The following RNF167 variants were observed in gnomAD, a reference collection of about 807,000 sequenced individuals.
RNF167 encodes ring finger protein 167.
RNF167 carries 19 observed loss-of-function variants against 34.8 expected under a neutral mutation model. The ratio of observed to expected loss-of-function variants is 0.55; its 90% confidence interval spans 0.38 to 0.80. RNF167 has a LOEUF of 0.80. RNF167 is among the 30% of genes least tolerant of loss of function. RNF167 has a pLI of 0.00. For synonymous variants in RNF167, 200 were observed against 170.4 expected (o/e 1.17, Z -1.35); for missense variants, 464 against 447.0 (o/e 1.04, Z -0.34).
Position 4,941,001 on chromosome 17 carries a change from T to C in RNF167, c.84+8T>C. The C allele has an allele frequency of 6.2e-7, 1 of 1,613,184 alleles. No individual in the cohort carries two copies. On this transcript the variant is annotated splice_region_variant and intron_variant, in intron 2 of 9. Coordinates refer to ENST00000262482, the MANE Select transcript of RNF167 (RefSeq NM_015528.3). ...CGGGGGCTCATTCGAGCGGTGAGTC[T>C]GAGGGACGGATGGGGAAAGGGCGCT...
Position 4,945,203 on chromosome 17 carries a change from A to G in RNF167, c.*187A>G. 1 of 519,420 alleles carries G rather than the reference A, an allele frequency of 1.9e-6. No homozygotes were observed. The highest frequency in any genetic ancestry group is 3.3e-6 in the Non-Finnish European group (1 of 301,226). The allele number at this position is 519,420 out of a possible 1,614,324, so 32.2% of individuals were successfully genotyped here. A position where few individuals can be genotyped will look rare whatever the true frequency, so the allele number is the denominator to read the frequency against. ...GGTCTTCACTTCTTGGGCTAATAAA[A>G]TTGTTTCTTTGTGGACTAAGGAAGG... On this transcript the variant is annotated 3_prime_UTR_variant, in exon 10 of 10. Transcript: ENST00000262482.
Position 4,940,376 on chromosome 17 carries a change from G to A in RNF167, c.-424+16G>A, listed in dbSNP as rs1190942926. 1 of 159,824 alleles carries A rather than the reference G, an allele frequency of 6.3e-6. No homozygotes were observed. The highest frequency in any genetic ancestry group is 1.4e-5 in the Non-Finnish European group (1 of 73,120). 9.9% of individuals were successfully genotyped at this position (159,824 alleles called of 1,614,324 possible). A position where few individuals can be genotyped will look rare whatever the true frequency, so the allele number is the denominator to read the frequency against. On this transcript the variant is annotated intron_variant, in intron 1 of 9. Transcript: ENST00000262482. ...GGGAGGAGAGGTTTGTAAACTAGGA[G>A]GCTCCGGGTTTCCGGGCACTTTTAT...
chr17:4,944,691 G>T (rs1567662179), intron 9 of RNF167, 24 bp from the exon 10 acceptor site: 2 of 1,614,134 alleles, frequency 1.2e-6, no homozygotes, highest in South Asian at 1.1e-5. Context: ...GCCACCAGGT[G>T]CTTCACCTTG....
At chr17:4,941,045 C>T in intron 2 of RNF167, 32 bp from the exon 3 acceptor site, 2 of 1,613,982 alleles carry the variant, frequency 1.2e-6, no homozygotes, top group Non-Finnish European at 1.7e-6. Flanking sequence ...GGGTTGCAGG[C>T]TGAAGGGGAA....
chr17:4,945,127 C>A lies in RNF167; in HGVS notation c.*111C>A. The A allele has an allele frequency of 9.8e-7, 1 of 1,019,708 alleles. No individual in the cohort carries two copies. The highest frequency in any genetic ancestry group is 1.4e-6 in the Non-Finnish European group (1 of 718,316). The allele number at this position is 1,019,708 out of a possible 1,614,324, so 63.2% of individuals were successfully genotyped here. A position where few individuals can be genotyped will look rare whatever the true frequency, so the allele number is the denominator to read the frequency against. On this transcript the variant is annotated 3_prime_UTR_variant, in exon 10 of 10. Transcript: ENST00000262482. ...ATCCCAAGCTTCTCCCTTACCCACA[C>A]CTATCCTTTTGAGGGGCTTTGGGGT...
intron 4 of RNF167, 51 bp downstream of exon 4, chr17:4,942,517 C>T (rs1258199668): frequency 6.2e-7 from 1 of 1,612,862 alleles, no homozygotes; most frequent in Non-Finnish European, 8.5e-7. Context: ...AAAAAAGGCA[C>T]CAGGAATGAA....
In RNF167 at chr17:4,940,627, T is replaced by A. The variant is rs996179266; in HGVS notation, c.-283T>A. 4 of 348,230 alleles carry A rather than the reference T, an allele frequency of 1.1e-5. No homozygotes were observed. Among genetic ancestry groups the A allele is most frequent in the African/African-American group, 8.4e-5 (4 of 47,542 alleles). The allele number at this position is 348,230 out of a possible 1,614,324, so 21.6% of individuals were successfully genotyped here. A position where few individuals can be genotyped will look rare whatever the true frequency, so the allele number is the denominator to read the frequency against. Reference sequence around the variant, plus strand: ...TTGAGCTCCGCCACCCTTCCCGAAGTTTTTCTGTCACCTGTGTTAGGCTCC... The same window carrying A: ...TTGAGCTCCGCCACCCTTCCCGAAGATTTTCTGTCACCTGTGTTAGGCTCC... On this transcript the variant is annotated 5_prime_UTR_variant, in exon 2 of 10. Transcript: ENST00000262482.
At position 4,943,251 on chromosome 17, in the gene RNF167, G is replaced by A. The variant is rs757732922; in HGVS notation, c.543G>A (p.Val181=). The A allele has an allele frequency of 5.0e-6, 8 of 1,614,134 alleles. No individual in the cohort carries two copies. The highest frequency in any genetic ancestry group is 3.3e-4 in the Middle Eastern group (2 of 6,062). ...GYYLIPFTGI[V]GLLVLAMGAV... The stretch of plus-strand genomic sequence containing the variant: ...ACCTCATCCCTTTCACAGGGATTGT[G>A]GGACTGCTGGTTTTGGCCATGGGAG... The change falls in exon 7 of 10, where the codon GTG becomes GTA. Residue 181 remains valine (V), a synonymous_variant. Coordinates refer to ENST00000262482, the MANE Select transcript of RNF167 (RefSeq NM_015528.3).
At chr17:4,942,526 A>G (rs1192499257) in intron 4 of RNF167, 51 bp from the exon 5 acceptor site, 2 of 1,613,404 alleles carry the variant, frequency 1.2e-6, no homozygotes, top group Non-Finnish European at 1.7e-6. Flanking sequence ...ACCAGGAATG[A>G]AGACAGGTAA....
chr17:4,945,160 G>C lies in RNF167; in HGVS notation c.*144G>C. On this transcript the variant is annotated 3_prime_UTR_variant, in exon 10 of 10. Transcript: ENST00000262482. ...TTTGAGGGGCTTTGGGGTGGAGCTG[G>C]GGCAAGCAGAGGGACTGGGTCTTCA... The C allele has an allele frequency of 2.9e-6, 2 of 683,472 alleles. No individual in the cohort carries two copies. Among genetic ancestry groups the C allele is most frequent in the Admixed American group, 3.0e-5 (1 of 33,506 alleles). The allele number at this position is 683,472 out of a possible 1,614,324, so 42.3% of individuals were successfully genotyped here.
At position 4,940,754 on chromosome 17, in the gene RNF167, GT is replaced by G. The variant is rs1219935658; in HGVS notation, c.-154del. 5 of 597,482 alleles carry G rather than the reference GT, an allele frequency of 8.4e-6. No homozygotes were observed. Among genetic ancestry groups the G allele is most frequent in the Non-Finnish European group, 1.4e-5 (5 of 350,822 alleles). The allele number at this position is 597,482 out of a possible 1,614,324, so 37.0% of individuals were successfully genotyped here. ...TGGATATCTCATTCTTTGAGTTGGT[GT>G]TCCTTCCCCGGCGCCCCCATGTAGC... On this transcript the variant is annotated 5_prime_UTR_variant, in exon 2 of 10. Coordinates refer to ENST00000262482, the MANE Select transcript of RNF167 (RefSeq NM_015528.3).
In RNF167 at chr17:4,944,227, C is replaced by T. The variant is rs141343468; in HGVS notation, c.671-331C>T. Among the ~76,000 whole-genome samples, 546 of 152,240 alleles carry T rather than the reference C, an allele frequency of 3.6e-3. 2 individuals carry two copies. Among genetic ancestry groups the T allele is most frequent in the Admixed American group, 6.0e-3 (91 of 15,280 alleles). The stretch of plus-strand genomic sequence containing the variant: ...GGATTCAGTTAGAGAAGGAAGAAAC[C>T]GGTACCAAGGGGCTGGGGCTTTAGG... On this transcript the variant is annotated intron_variant, in intron 8 of 9. Transcript: ENST00000262482.
At position 4,940,914 on chromosome 17, in the gene RNF167, A is replaced by C; in HGVS notation, c.5A>C (p.His2Pro). The C allele has an allele frequency of 6.2e-7, 1 of 1,602,294 alleles. No homozygotes were observed. Among genetic ancestry groups the C allele is most frequent in the Non-Finnish European group, 8.5e-7 (1 of 1,173,196 alleles). The change falls in exon 2 of 10, where the codon CAC becomes CCC. Residue 2 changes from histidine (H) to proline (P), a missense_variant. Physicochemically the swap from His to Pro is moderately conservative, Grantham distance 77. Coordinates refer to ENST00000262482, the MANE Select transcript of RNF167 (RefSeq NM_015528.3). The stretch of plus-strand genomic sequence containing the variant: ...AGCCTCTTTCCTCCCGCTGCCATGC[A>C]CCCTGCAGCCTTCCCGCTTCCTGTG... M[H>P]PAAFPLPVVV...
Position 4,942,843 on chromosome 17 carries a change from C to T in RNF167, c.380-8C>T, listed in dbSNP as rs201160609. ...TGAGTCCCCAGAGTAACACCTTGAT[C>T]CCTGCAGAGGAAATCCAGCAGCAGA... On this transcript the variant is annotated splice_polypyrimidine_tract_variant and splice_region_variant and intron_variant, in intron 5 of 9. Coordinates refer to ENST00000262482, the MANE Select transcript of RNF167 (RefSeq NM_015528.3). 9 of 1,613,526 alleles carry T rather than the reference C, an allele frequency of 5.6e-6. No individual in the cohort carries two copies. The African/African-American group carries it at 1.2e-4, about 22-fold the overall frequency.
At position 4,941,060 on chromosome 17, in the gene RNF167, G is replaced by T. The variant is rs1173585077; in HGVS notation, c.85-17G>T. The T allele has an allele frequency of 6.2e-7, 1 of 1,614,096 alleles. No homozygotes were observed. Among genetic ancestry groups the T allele is most frequent in the Non-Finnish European group, 8.5e-7 (1 of 1,179,960 alleles). On this transcript the variant is annotated splice_polypyrimidine_tract_variant and intron_variant, in intron 2 of 9. Transcript: ENST00000262482. ...GGGTTGCAGGCTGAAGGGGAACATCGCCTTTTTTGTCCGCAGACCTCGGAC... is the reference window on the plus strand; with the variant it reads ...GGGTTGCAGGCTGAAGGGGAACATCTCCTTTTTTGTCCGCAGACCTCGGAC...
chr17:4,944,287 C>T, intron 8 of RNF167: 1 of 585,434 alleles, frequency 1.7e-6, no homozygotes, highest in Non-Finnish European at 2.4e-6. Flanking sequence ...AAGGCTGTGG[C>T]AGAAGCCCTG....
chr17:4,940,132 G>A (rs564334131), upstream of RNF167: 172 of 425,064 alleles, frequency 4.0e-4, 1 homozygote, highest in South Asian at 1.0e-2. Context: ...GCGAGAAGGG[G>A]CGTAACTGAT....
intron 7 of RNF167, 61 bp downstream of exon 7, chr17:4,943,345 G>T: frequency 7.5e-6 from 12 of 1,591,306 alleles, no homozygotes; most frequent in Non-Finnish European, 9.5e-6. Flanking sequence ...ACTGGATCTG[G>T]AGTTGGGAGA....
chr17:4,944,919 C>A lies in RNF167; in HGVS notation c.956C>A (p.Thr319Asn). Residue 319 changes from threonine (T) to asparagine (N), a missense_variant, in exon 10 of 10, where the codon ACC (threonine) becomes AAC (asparagine). Physicochemically the swap from Thr to Asn is moderately conservative, Grantham distance 65 (BLOSUM62 0). Coordinates refer to ENST00000262482, the MANE Select transcript of RNF167 (RefSeq NM_015528.3). ...TTGGGTTCTAGCCCCACTCTTCCCACCTCCTTTGGTTCCTTAGCCCCAGCT... is the reference window on the plus strand; with the variant it reads ...TTGGGTTCTAGCCCCACTCTTCCCAACTCCTTTGGTTCCTTAGCCCCAGCT... ...PLLGSSPTLP[T>N]SFGSLAPAPL... is the part of the protein sequence containing the mutation. The A allele has an allele frequency of 6.2e-7, 1 of 1,613,710 alleles. No individual in the cohort carries two copies. Among genetic ancestry groups the A allele is most frequent in the Non-Finnish European group, 8.5e-7 (1 of 1,179,780 alleles).
Sources: gnomAD v4.1 joint callset for allele counts (sites outside exome capture counted in the v4.1 genomes callset) on GRCh38, gnomAD v4.1.1 for gene constraint, MANE v1.5 for transcripts, NCBI Gene and HGNC (gene_info 2026-07-23, HGNC 2026-07-21) for gene names.